PHLDB2: variants seen among roughly 807,000 people sequenced by gnomAD.
PHLDB2 encodes the protein pleckstrin homology like domain family B member 2, also known as pleckstrin homology-like domain family B member 2.
PHLDB2 carries 71 observed loss-of-function variants against 123.6 expected under a neutral mutation model. The observed-to-expected ratio is 0.57, with a 90% CI of 0.47 to 0.70. The LOEUF (loss-of-function observed/expected upper bound fraction) is 0.70. Ranked by LOEUF, PHLDB2 falls within the 30% of genes least tolerant of loss-of-function variation. The pLI, the probability that PHLDB2 is intolerant of heterozygous loss-of-function variation, is 0.00. For missense variants in PHLDB2, 1,446 were observed against 1,519.5 expected (o/e 0.95, Z 0.80); for synonymous variants, 547 against 541.6 (o/e 1.01, Z -0.14).
At chr3:111,855,149 C>T (rs938639366), upstream of PHLDB2, among the ~76,000 whole-genome samples, 1 of 151,940 alleles carries the variant, frequency 6.6e-6, no homozygotes, top group Non-Finnish European at 1.5e-5. Flanking sequence ...GATAGAGTTG[C>T]TTTAGCCTCA....
rs185040503 is a variant in PHLDB2, at chr3:111,947,029, C to A, written c.2487+1672C>A. 1.2e-3 allele frequency among the ~76,000 whole-genome samples: 179 copies of A among 152,162 alleles called. 2 individuals carry two copies. Among genetic ancestry groups the A allele is most frequent in the Non-Finnish European group, 6.5e-4 (44 of 68,002 alleles). On this transcript the variant is annotated intron_variant, in intron 9 of 17. Coordinates refer to ENST00000431670, the MANE Select transcript of PHLDB2 (RefSeq NM_001134438.2). ...GATGAAGTAAATAAAGGAAGGTGTCCGGAATCATGCCATTATTCCAGTTTG... is the reference window on the plus strand; with the variant it reads ...GATGAAGTAAATAAAGGAAGGTGTCAGGAATCATGCCATTATTCCAGTTTG...
At chr3:111,854,375 C>A (rs2064391741), upstream of PHLDB2, among the ~76,000 whole-genome samples, 1 of 152,192 alleles carries the variant, frequency 6.6e-6, no homozygotes, top group Non-Finnish European at 1.5e-5. Context: ...CCCAGTTCTG[C>A]CTTACTTCAC....
At chr3:111,767,829 A>AT (rs1358913008) in intron 1 of PHLDB2, among the ~76,000 whole-genome samples, 1 of 152,142 alleles carries the variant, frequency 6.6e-6, no homozygotes, top group Non-Finnish European at 1.5e-5. Flanking sequence ...AAATATTATG[A>AT]TTTTTTAAAT....
chr3:111,792,753 A>C (rs1167213819), intron 1 of PHLDB2, among the ~76,000 whole-genome samples: 1 of 152,178 alleles, frequency 6.6e-6, no homozygotes, highest in Non-Finnish European at 1.5e-5. Flanking sequence ...AAACAAAAAG[A>C]TATGAACATT....
At chr3:111,847,453 G>A (rs1410112808) in intron 2 of PHLDB2, among the ~76,000 whole-genome samples, 2 of 152,094 alleles carry the variant, frequency 1.3e-5, no homozygotes, top group Non-Finnish European at 2.9e-5. Context: ...GCTTGATTTA[G>A]GAGCCTATTA....
At chr3:111,762,698 G>C (rs2060015484) in intron 1 of PHLDB2, among the ~76,000 whole-genome samples, 1 of 152,132 alleles carries the variant, frequency 6.6e-6, no homozygotes, top group African/African-American at 2.4e-5. Context: ...TACGTAGTTT[G>C]TGTCTGAAAT....
intron 2 of PHLDB2, among the ~76,000 whole-genome samples, chr3:111,905,008 G>T (rs2067430509): frequency 6.6e-6 from 1 of 152,182 alleles, no homozygotes; most frequent in Non-Finnish European, 1.5e-5. Flanking sequence ...GAACGGCAAT[G>T]ATTTTTCCTA....
intron 8 of PHLDB2, among the ~76,000 whole-genome samples, chr3:111,943,192 A>G (rs948168673): frequency 1.3e-5 from 2 of 152,188 alleles, no homozygotes; most frequent in Non-Finnish European, 2.9e-5. Flanking sequence ...AAATACATGT[A>G]TATTAAATAG....
At chr3:111,732,808 T>C in intron 1 of PHLDB2, 2 of 935,814 alleles carry the variant, frequency 2.1e-6, no homozygotes, top group Non-Finnish European at 1.6e-6. Flanking sequence ...GCTGGAGATA[T>C]GGTAGACCCG....
At position 111,913,494 on chromosome 3, in the gene PHLDB2, C is replaced by G; in HGVS notation, c.1511C>G (p.Thr504Arg). The change falls in exon 3 of 18, where the codon ACA becomes AGA. Residue 504 changes from threonine to arginine, a missense_variant. Around this residue, in one of 3 missense-constraint regions of PHLDB2, gnomAD observed 832 missense variants for 831.9 expected, o/e 1.00. Transcript: ENST00000431670. ...GAGGAAGCCCTCATGAGCCCTGACA[C>G]AAGATACAGGTGCCACCGGAAAGAC... The part of the protein sequence containing the change: ...VFEEALMSPD[T>R]RYRCHRKDSL... 6.2e-7 allele frequency: 1 copy of G among 1,614,080 alleles called. No homozygotes were observed. Among genetic ancestry groups the G allele is most frequent in the Non-Finnish European group, 8.5e-7 (1 of 1,179,986 alleles).
At chr3:111,860,704 C>T (rs1340287176) in intron 1 of PHLDB2, among the ~76,000 whole-genome samples, 7 of 152,148 alleles carry the variant, frequency 4.6e-5, no homozygotes, top group Admixed American at 1.3e-4. Flanking sequence ...CTTTTTCTCT[C>T]GGTAAACTAC....
At chr3:111,893,571 T>A (rs150419202) in intron 2 of PHLDB2, among the ~76,000 whole-genome samples, 28 of 152,236 alleles carry the variant, frequency 1.8e-4, no homozygotes, top group African/African-American at 6.0e-4. Flanking sequence ...AGATTCAGCC[T>A]AAGCCTTAAG....
At chr3:111,867,128 T>C (rs563587081) in intron 1 of PHLDB2, among the ~76,000 whole-genome samples, 7 of 152,162 alleles carry the variant, frequency 4.6e-5, no homozygotes, top group South Asian at 4.1e-4. Context: ...TTACTTGTTA[T>C]CTTGAAAATG....
intron 2 of PHLDB2, among the ~76,000 whole-genome samples, chr3:111,901,144 G>A (rs1050263785): frequency 6.6e-6 from 1 of 152,048 alleles, no homozygotes; most frequent in South Asian, 2.1e-4. Flanking sequence ...CGAATCACGA[G>A]GTCAGGAGAT....
intron 15 of PHLDB2, among the ~76,000 whole-genome samples, chr3:111,969,422 T>A (rs2072026888): frequency 6.6e-6 from 1 of 152,244 alleles, no homozygotes; most frequent in Non-Finnish European, 1.5e-5. Flanking sequence ...AAATGACCAT[T>A]TTTCATTTTC....
In PHLDB2 at chr3:111,752,191, G is replaced by T. The variant is rs139839954; in HGVS notation, c.-49+19488G>T. 1.5e-3 allele frequency among the ~76,000 whole-genome samples: 227 copies of T among 150,704 alleles called. 2 individuals carry two copies. The highest frequency in any genetic ancestry group is 5.2e-3 in the African/African-American group (214 of 40,836). On this transcript the variant is annotated intron_variant, in intron 1 of 17. Coordinates refer to the PHLDB2 transcript ENST00000393923. ...GCTCTGGTTCTTAATGCTTCTCTCC[G>T]CATTTCTCTAGTCAGTGGAAGTTTC...
intron 1 of PHLDB2, among the ~76,000 whole-genome samples, chr3:111,843,971 G>T (rs1486271722): frequency 6.6e-6 from 1 of 152,180 alleles, no homozygotes; most frequent in African/African-American, 2.4e-5. Context: ...AAAAAACTCA[G>T]TAATGTAAAA....
At chr3:111,878,763 G>T (rs980505284) in intron 1 of PHLDB2, among the ~76,000 whole-genome samples, 1 of 152,108 alleles carries the variant, frequency 6.6e-6, no homozygotes, top group Non-Finnish European at 1.5e-5. Flanking sequence ...TAGCATGAAG[G>T]GCTGTTGAAT....
intron 1 of PHLDB2, among the ~76,000 whole-genome samples, chr3:111,733,447 G>C (rs1041518615): frequency 6.6e-6 from 1 of 152,138 alleles, no homozygotes; most frequent in Non-Finnish European, 1.5e-5. Flanking sequence ...CTCACCAGAA[G>C]TAAGTTTTTC....
Sources: allele counts gnomAD v4.1 joint callset (sites outside exome capture counted in the v4.1 genomes callset), GRCh38; gene constraint gnomAD v4.1.1; regional missense constraint gnomAD v4.1.1; transcripts MANE v1.5; gene names NCBI Gene and HGNC (gene_info 2026-07-23, HGNC 2026-07-21).